FNTA: variants seen among roughly 807,000 people sequenced by gnomAD.
The protein encoded by FNTA is protein farnesyltransferase/geranylgeranyltransferase type-1 subunit alpha.
FNTA carries 27 observed loss-of-function variants against 55.2 expected under a neutral mutation model. The observed-to-expected ratio is 0.49, with a 90% confidence interval of 0.36 to 0.67. The LOEUF (loss-of-function observed/expected upper bound fraction) is 0.67. Among genes scored for constraint, FNTA ranks in the 30% least tolerant of loss-of-function variants. The pLI is 0.00. For synonymous variants in FNTA, 176 were observed against 170.7 expected (o/e 1.03, Z -0.24); for missense variants, 422 against 464.7 (o/e 0.91, Z 0.85).
chr8:43,059,915 G>A (rs1810492761), intron 2 of FNTA, among the ~76,000 whole-genome samples: 1 of 152,180 alleles, frequency 6.6e-6, no homozygotes, highest in South Asian at 2.1e-4. Context: ...AGTGGAAGTA[G>A]CACAGAAGTA....
chr8:43,057,256 C>G (rs541488487), intron 1 of FNTA: 1 of 152,308 alleles, frequency 6.6e-6, no homozygotes, highest in Non-Finnish European at 1.5e-5. Flanking sequence ...ATTCCTAATT[C>G]CCTGTGAACC....
At chr8:43,056,634 G>A in intron 1 of FNTA, 88 bp downstream of exon 1, 1 of 913,918 alleles carries the variant, frequency 1.1e-6, no homozygotes, top group Non-Finnish European at 1.4e-6. Context: ...CGGCCCCGGC[G>A]CGCCAGGCCG....
intron 3 of FNTA, among the ~76,000 whole-genome samples, chr8:43,065,002 A>G (rs1172933643): frequency 6.6e-6 from 1 of 151,092 alleles, no homozygotes; most frequent in Non-Finnish European, 1.5e-5. Context: ...ATGCCTGGCT[A>G]ATTTTTTATT....
At chr8:43,064,253 GT>G in intron 3 of FNTA, 38 bp downstream of exon 3, 1 of 1,265,264 alleles carries the variant, frequency 7.9e-7, no homozygotes, top group Non-Finnish European at 1.1e-6. Flanking sequence ...CTGCTTAAAT[GT>G]TTTACTTCAA....
At chr8:43,062,230 G>A (rs1276287513) in intron 2 of FNTA, among the ~76,000 whole-genome samples, 2 of 150,554 alleles carry the variant, frequency 1.3e-5, no homozygotes, top group African/African-American at 2.4e-5. Flanking sequence ...ATATACATTT[G>A]TATACATATT....
chr8:43,084,783 A>G lies in FNTA; in HGVS notation c.919A>G (p.Ser307Gly). 1.2e-6 allele frequency: 2 copies of G among 1,613,256 alleles called. No homozygotes were observed. The highest frequency in any genetic ancestry group is 2.2e-5 in the East Asian group (1 of 44,868). Residue 307 changes from serine (S) to glycine (G), a missense_variant, in exon 8 of 9, where the codon AGT (serine) becomes GGT (glycine). Ser to Gly is a moderately conservative substitution (Grantham distance 56, BLOSUM62 0). This residue lies in a region of FNTA where 262 missense variants were observed against 343.1 expected (regional missense o/e 0.76). Transcript: ENST00000302279. The part of the protein sequence containing the change: ...NQLLDLQPSH[S>G]SPYLIAFLVD... The stretch of plus-strand genomic sequence containing the variant: ...ATTACTTGATTTACAACCAAGTCAT[A>G]GTTCCCCCTACCTAATTGCCTTTCT...
chr8:43,083,177 A>G lies in FNTA; in HGVS notation c.842A>G (p.Lys281Arg). 1 of 1,587,032 alleles carries G rather than the reference A, an allele frequency of 6.3e-7. No homozygotes were observed. Among genetic ancestry groups the G allele is most frequent in the Non-Finnish European group, 8.6e-7 (1 of 1,167,552 alleles). ...AATGAAAGTGCATGGAACTATTTGA[A>G]AGGGTAAGAGGTTGTTTTTGCTTTT... ...PHNESAWNYL[K>R]GILQDRGLSK... is the part of the protein sequence containing the mutation. The change falls in exon 7 of 9, where the codon AAA becomes AGA. Residue 281 changes from lysine to arginine, a missense_variant. Coordinates refer to ENST00000302279, the MANE Select transcript of FNTA (RefSeq NM_002027.3).
In FNTA at chr8:43,056,436, GC is replaced by G. The variant is rs1563324198; in HGVS notation, c.94del (p.Gln32SerfsTer25). ...QPPPQPHPPP[P>X]QQQHKEEMAA... ...CCCCGCCCCAGCCGCACCCACCGCC[GC>G]CCCAGCAGCAGCACAAGGAAGAGAT... On this transcript the variant is annotated frameshift_variant, in exon 1 of 9. Coordinates refer to ENST00000302279, the MANE Select transcript of FNTA (RefSeq NM_002027.3). LOFTEE classifies it high-confidence loss of function. 1.9e-6 allele frequency: 3 copies of G among 1,543,796 alleles called. No homozygotes were observed. The highest frequency in any genetic ancestry group is 2.6e-6 in the Non-Finnish European group (3 of 1,148,668).
Position 43,085,349 on chromosome 8 carries a change from C to CAAA in FNTA, c.*67_*68insAAA. 1 of 1,457,856 alleles carries CAAA rather than the reference C, an allele frequency of 6.9e-7. No homozygotes were observed. Among genetic ancestry groups the CAAA allele is most frequent in the Middle Eastern group, 2.4e-4 (1 of 4,132 alleles). The allele number at this position is 1,457,856 out of a possible 1,614,324, so 90.3% of individuals were successfully genotyped here. Reference sequence around the variant, plus strand: ...TAAGGGACCCTGCAGGAGTTTCACACGAGAGTGGTCCTTCCCTTTGCCTGT... The same window carrying CAAA: ...TAAGGGACCCTGCAGGAGTTTCACACAAAGAGAGTGGTCCTTCCCTTTGCCTGT... On this transcript the variant is annotated 3_prime_UTR_variant, in exon 9 of 9. Coordinates refer to ENST00000302279, the MANE Select transcript of FNTA (RefSeq NM_002027.3).
intron 4 of FNTA, among the ~76,000 whole-genome samples, chr8:43,071,843 A>G (rs1384590290): frequency 6.6e-6 from 1 of 152,196 alleles, no homozygotes; most frequent in African/African-American, 2.4e-5. Flanking sequence ...CTTAGGGAAA[A>G]TTGACAGGCG....
Position 43,085,553 on chromosome 8 carries a change from A to C in FNTA, c.*271A>C. 5.2e-6 allele frequency: 2 copies of C among 381,908 alleles called. No homozygotes were observed. The highest frequency in any genetic ancestry group is 5.8e-5 in the East Asian group (1 of 17,300). 23.7% of individuals were successfully genotyped at this position (381,908 alleles called of 1,614,324 possible). On this transcript the variant is annotated 3_prime_UTR_variant, in exon 9 of 9. Coordinates refer to ENST00000302279, the MANE Select transcript of FNTA (RefSeq NM_002027.3). ...TGTAGTCTTATCAACATATAATCTA[A>C]TCCCTTAGCATCAGCTCCTCCCTCA...
At chr8:43,083,471 AC>A (rs1437682830) in intron 7 of FNTA, among the ~76,000 whole-genome samples, 1 of 152,084 alleles carries the variant, frequency 6.6e-6, no homozygotes, top group Admixed American at 6.6e-5. Context: ...GAACACACAC[AC>A]CCCCAGGCTC....
intron 3 of FNTA, among the ~76,000 whole-genome samples, chr8:43,067,072 A>T (rs552319466): frequency 7.5e-4 from 114 of 152,126 alleles, no homozygotes; most frequent in Non-Finnish European, 1.1e-3. Context: ...AAATGTCCTT[A>T]TTTCCACCCT....
At chr8:43,078,756 A>G (rs573033976) in intron 6 of FNTA, 14 of 152,386 alleles carry the variant, frequency 9.2e-5, no homozygotes, top group African/African-American at 2.9e-4. Flanking sequence ...ATCAAAAGCC[A>G]GAAGTGATTA....
chr8:43,076,966 G>GT (rs773240056), intron 5 of FNTA: 70 of 326,314 alleles, frequency 2.1e-4, no homozygotes, highest in South Asian at 3.7e-4. Context: ...TGAGTTTGGG[G>GT]TTTTTTTCCC....
At chr8:43,063,087 CTT>C (rs35545408) in intron 2 of FNTA, among the ~76,000 whole-genome samples, 29 of 134,474 alleles carry the variant, frequency 2.2e-4, no homozygotes, top group Non-Finnish European at 1.8e-4. Context: ...CTGGCAGTTC[CTT>C]TTTTTTTTTT....
chr8:43,066,330 C>T (rs1436910825), intron 3 of FNTA, among the ~76,000 whole-genome samples: 1 of 150,280 alleles, frequency 6.7e-6, no homozygotes, highest in Non-Finnish European at 1.5e-5. Flanking sequence ...GATCTCTGCT[C>T]ACTGCAAGCT....
At chr8:43,061,553 C>CT (rs1418280188) in intron 2 of FNTA, among the ~76,000 whole-genome samples, 1 of 152,108 alleles carries the variant, frequency 6.6e-6, no homozygotes, top group Non-Finnish European at 1.5e-5. Context: ...AGCTATATGT[C>CT]TATCTTTTGG....
chr8:43,066,062 T>G (rs1810651121), intron 3 of FNTA, among the ~76,000 whole-genome samples: 1 of 151,366 alleles, frequency 6.6e-6, no homozygotes, highest in South Asian at 2.1e-4. Flanking sequence ...ATTTCTTCTC[T>G]TTCCTCTGTT....
Sources: allele counts gnomAD v4.1 joint callset (sites outside exome capture counted in the v4.1 genomes callset), GRCh38; gene constraint gnomAD v4.1.1; regional missense constraint gnomAD v4.1.1; transcripts MANE v1.5; gene names NCBI Gene and HGNC (gene_info 2026-07-23, HGNC 2026-07-21).